Variants in MAGEB3 observed in about 807,000 individuals in gnomAD.
MAGEB3 encodes melanoma-associated antigen B3.
For missense variants in MAGEB3, 191 were observed against 262.4 expected, an observed-to-expected ratio of 0.73 and a Z score of 1.88; for synonymous variants, 91 against 93.0, an observed-to-expected ratio of 0.98 and a Z score of 0.12.
chrX:30,237,237 T>C lies in MAGEB3; in HGVS notation c.*272T>C, dbSNP rs1356192248. 1 of 273,152 alleles carries C rather than the reference T, an allele frequency of 3.7e-6. No individual in the cohort carries two copies. Among genetic ancestry groups the C allele is most frequent in the African/African-American group, 2.8e-5 (1 of 35,504 alleles). The allele number at this position is 273,152 out of a possible 1,213,427, so 22.5% of individuals were successfully genotyped here. A position where few individuals can be genotyped will look rare whatever the true frequency, so the allele number is the denominator to read the frequency against. ...GTTTTGTAAAACAGATTGAGAAAAA[T>C]TCGATCTTATTTAGTGATCTGTTGC... On this transcript the variant is annotated 3_prime_UTR_variant, in exon 5 of 5. Coordinates refer to ENST00000361644, the MANE Select transcript of MAGEB3 (RefSeq NM_002365.5).
intron 4 of MAGEB3, 104 bp from the exon 5 acceptor site, chrX:30,235,760 A>G: frequency 2.2e-6 from 1 of 446,832 alleles, no homozygotes; most frequent in South Asian, 3.8e-5. Flanking sequence ...GGGTTTCCAG[A>G]GCAGTGCTCT....
Position 30,236,210 on chromosome X carries a change from T to C in MAGEB3, c.286T>C (p.Phe96Leu), listed in dbSNP as rs756681502. The C allele has an allele frequency of 1.3e-5, 16 of 1,210,608 alleles. No individual in the cohort carries two copies. The highest frequency in any genetic ancestry group is 1.7e-5 in the Non-Finnish European group (15 of 895,064). Residue 96 changes from phenylalanine to leucine, a missense_variant, in exon 5 of 5, where the codon TTC becomes CTC. Phe to Leu is a conservative substitution (Grantham distance 22). Coordinates refer to ENST00000361644, the MANE Select transcript of MAGEB3 (RefSeq NM_002365.5). The part of the protein sequence containing the change: ...ANSKIEKKQS[F>L]SQGLSSTVQS... ...CAGCAAAATTGAGAAAAAGCAAAGC[T>C]TCTCTCAGGGTCTATCCTCCACTGT... is the stretch of plus-strand genomic sequence containing the variant.
chrX:30,235,811 T>C (rs1924958759), intron 4 of MAGEB3, 53 bp from the exon 5 acceptor site: 1 of 538,233 alleles, frequency 1.9e-6, no homozygotes. Flanking sequence ...AAATCCAAAG[T>C]GGTACCTCTC....
chrX:30,236,875 A>G lies in MAGEB3; in HGVS notation c.951A>G (p.Arg317=). 8.3e-7 allele frequency: 1 copy of G among 1,211,696 alleles called. No homozygotes were observed. Residue 317 remains arginine (R), a synonymous_variant, in exon 5 of 5, where the codon AGA becomes AGG. Coordinates refer to ENST00000361644, the MANE Select transcript of MAGEB3 (RefSeq NM_002365.5). ...AGGCTTTGAGAGATGAGGAAGAAAG[A>G]GTCCAAGCTGCAGCTATGCTCAATG... is the stretch of plus-strand genomic sequence containing the variant. ...YEEALRDEEE[R]VQAAAMLNDG...
rs1221231958 is a variant in MAGEB3 at position 30,233,293 on chromosome X, C to T, written c.-132C>T. On this transcript the variant is annotated 5_prime_UTR_variant, in exon 4 of 5. Transcript: ENST00000361644. The stretch of plus-strand genomic sequence containing the variant: ...CTCTGGCTCACGCTTGTAATCCCAA[C>T]ATTTTGGGAGGACGAAGCCAGCCTC... 1 of 94,996 alleles carries T rather than the reference C, an allele frequency of 1.1e-5. No homozygotes were observed. Among genetic ancestry groups the T allele is most frequent in the African/African-American group, 3.9e-5 (1 of 25,803 alleles). The allele number at this position is 94,996 out of a possible 1,213,427, so 7.8% of individuals were successfully genotyped here.
chrX:30,232,969 C>A (rs1003699400), intron 3 of MAGEB3, 53 bp downstream of exon 3: 3 of 106,371 alleles, frequency 2.8e-5, no homozygotes, highest in Non-Finnish European at 5.8e-5. Flanking sequence ...GGGAGGATCG[C>A]TTAAGCCCTA....
At chrX:30,235,218 C>T (rs969385377) in intron 4 of MAGEB3, among the ~76,000 whole-genome samples, 6 of 111,561 alleles carry the variant, frequency 5.4e-5, no homozygotes, top group South Asian at 3.8e-4. Flanking sequence ...TGAGGCTGGG[C>T]ATGGAGGTCA....
intron 4 of MAGEB3, among the ~76,000 whole-genome samples, chrX:30,234,072 A>T (rs1333726645): frequency 9.0e-6 from 1 of 111,229 alleles, no homozygotes; most frequent in Non-Finnish European, 1.9e-5. Flanking sequence ...TGTCTTTTTT[A>T]TTTATTTTTA....
At position 30,236,073 on chromosome X, in the gene MAGEB3, T is replaced by G; in HGVS notation, c.149T>G (p.Ile50Ser). 3 of 1,211,056 alleles carry G rather than the reference T, an allele frequency of 2.5e-6. No homozygotes were observed. Among genetic ancestry groups the G allele is most frequent in the Non-Finnish European group, 3.4e-6 (3 of 895,086 alleles). The stretch of plus-strand genomic sequence containing the variant: ...TCCCCTCTTATTTTGGGGGCTACTA[T>G]CCAGAAAAAGTCTGCTGGTAGGTCA... ...FSSPLILGAT[I>S]QKKSAGRSRS... The change falls in exon 5 of 5, where the codon ATC becomes AGC. Residue 50 changes from isoleucine to serine, a missense_variant. Coordinates refer to ENST00000361644, the MANE Select transcript of MAGEB3 (RefSeq NM_002365.5).
rs1924928173 is a variant in MAGEB3 at position 30,234,686 on chromosome X, T to C, written c.-61-1178T>C. On this transcript the variant is annotated intron_variant, in intron 4 of 4. Transcript: ENST00000361644. ...CCAGTTCAGCAGGTGGAAGAGAGAC[T>C]TGGGTCCTAACTGGAGTCAAGGTGA... Among the ~76,000 whole-genome samples, 4 of 111,796 alleles carry C rather than the reference T, an allele frequency of 3.6e-5. No individual in the cohort carries two copies. The Admixed American group carries it at 3.8e-4, about 11-fold the overall frequency.
In MAGEB3 at chrX:30,236,688, T is replaced by C; in HGVS notation, c.764T>C (p.Leu255Pro). 1 of 1,212,259 alleles carries C rather than the reference T, an allele frequency of 8.2e-7. No individual in the cohort carries two copies. Among genetic ancestry groups the C allele is most frequent in the Non-Finnish European group, 1.1e-6 (1 of 895,627 alleles). Residue 255 changes from leucine to proline, a missense_variant, in exon 5 of 5, where the codon CTT becomes CCT. Physicochemically the swap from Leu to Pro is moderately conservative, Grantham distance 98. Transcript: ENST00000361644. ...CTCATCACCCAAGATTTGGTGAAGC[T>C]TAAATACCTGGAGTACCGACAAGTG... ...RKLITQDLVKLKYLEYRQVPN... is the reference protein window; with the variant it reads ...RKLITQDLVKPKYLEYRQVPN...
chrX:30,237,087 G>A lies in MAGEB3; in HGVS notation c.*122G>A, dbSNP rs1432087981. The stretch of plus-strand genomic sequence containing the variant: ...AATACCTTTTGTTTCTGTTCTAAAT[G>A]GATAATTTGAAGTTTTATCTGTATT... On this transcript the variant is annotated 3_prime_UTR_variant, in exon 5 of 5. Transcript: ENST00000361644. The A allele has an allele frequency of 4.4e-6, 2 of 457,701 alleles. No homozygotes were observed. The highest frequency in any genetic ancestry group is 7.0e-6 in the Non-Finnish European group (2 of 284,282). 37.7% of individuals were successfully genotyped at this position (457,701 alleles called of 1,213,427 possible). A position where few individuals can be genotyped will look rare whatever the true frequency, so the allele number is the denominator to read the frequency against.
rs746993866 is a variant in MAGEB3, at chrX:30,235,987, G to A, written c.63G>A (p.Gln21=). The change falls in exon 5 of 5, where the codon CAG becomes CAA. Residue 21 remains glutamine (Q), a synonymous_variant. Coordinates refer to ENST00000361644, the MANE Select transcript of MAGEB3 (RefSeq NM_002365.5). The part of the protein sequence containing the change: ...AREKRQQTRG[Q]TQDHQGAQIT... ...AGAAACGCCAGCAGACCCGGGGTCAGACCCAGGATCACCAGGGTGCTCAGA... is the reference window on the plus strand; with the variant it reads ...AGAAACGCCAGCAGACCCGGGGTCAAACCCAGGATCACCAGGGTGCTCAGA... 52 of 1,209,096 alleles carry A rather than the reference G, an allele frequency of 4.3e-5. No homozygotes were observed. Among genetic ancestry groups the A allele is most frequent in the Middle Eastern group, 2.3e-4 (1 of 4,352 alleles).
intron 2 of MAGEB3, among the ~76,000 whole-genome samples, chrX:30,231,858 T>TG (rs888727063): frequency 9.3e-6 from 1 of 107,962 alleles, no homozygotes; most frequent in Non-Finnish European, 1.9e-5. Context: ...CTAGGGACTA[T>TG]GGGAGGGGAG....
chrX:30,235,425 T>C (rs1191360530), intron 4 of MAGEB3, among the ~76,000 whole-genome samples: 1 of 111,159 alleles, frequency 9.0e-6, no homozygotes, highest in African/African-American at 3.3e-5. Context: ...ACCCAGTTCC[T>C]CCTGTCAGGG....
chrX:30,231,100 GC>G (rs1248973911), intron 1 of MAGEB3, among the ~76,000 whole-genome samples: 3 of 105,902 alleles, frequency 2.8e-5, no homozygotes, highest in Admixed American at 1.0e-4. Flanking sequence ...AACTGTTTGG[GC>G]CCCCCCAGGA....
rs1192651315 is a variant in MAGEB3, at chrX:30,233,252, T to A, written c.-163-10T>A. ...AATAGATATAAACTTTTTTTTTTTT[T>A]AATTTTAAGGCAGGGCTCTGGCTCA... is the stretch of plus-strand genomic sequence containing the variant. On this transcript the variant is annotated splice_polypyrimidine_tract_variant and intron_variant, in intron 3 of 4. Coordinates refer to ENST00000361644, the MANE Select transcript of MAGEB3 (RefSeq NM_002365.5). The A allele has an allele frequency of 1.6e-4, 16 of 99,217 alleles. No individual in the cohort carries two copies. Among genetic ancestry groups the A allele is most frequent in the Non-Finnish European group, 2.2e-4 (11 of 49,526 alleles). 8.2% of individuals were successfully genotyped at this position (99,217 alleles called of 1,213,427 possible).
In MAGEB3 at chrX:30,236,134, C is replaced by A. The variant is rs1009784572; in HGVS notation, c.210C>A (p.Ser70=). 8.3e-7 allele frequency: 1 copy of A among 1,205,654 alleles called. No homozygotes were observed. The highest frequency in any genetic ancestry group is 1.8e-5 in the African/African-American group (1 of 56,987). Residue 70 remains serine (S), a synonymous_variant, in exon 5 of 5, where the codon TCC becomes TCA. Transcript: ENST00000361644. ...SALKKPQRAL[S]TTTSVDVSYK... is the part of the protein sequence containing the mutation. The stretch of plus-strand genomic sequence containing the variant: ...TCAAGAAGCCTCAGAGAGCACTATC[C>A]ACCACTACATCTGTAGATGTTTCTT...
In MAGEB3 at chrX:30,236,050, C is replaced by T. The variant is rs372226669; in HGVS notation, c.126C>T (p.Ser42=). 8 of 1,210,901 alleles carry T rather than the reference C, an allele frequency of 6.6e-6. No homozygotes were observed. The highest frequency in any genetic ancestry group is 8.9e-6 in the Non-Finnish European group (8 of 894,964). The stretch of plus-strand genomic sequence containing the variant: ...ACAAGAAAAAAGTATCCTTTTCATC[C>T]CCTCTTATTTTGGGGGCTACTATCC... ...ATNKKKVSFS[S]PLILGATIQK... The change falls in exon 5 of 5, where the codon TCC becomes TCT. Residue 42 remains serine (S), a synonymous_variant. Transcript: ENST00000361644.
Sources: allele counts gnomAD v4.1 joint callset (sites outside exome capture counted in the v4.1 genomes callset), GRCh38; gene constraint gnomAD v4.1.1; transcripts MANE v1.5; gene names NCBI Gene and HGNC (gene_info 2026-07-23, HGNC 2026-07-21).